The following P3H2 variants were observed in gnomAD, a reference collection of about 807,000 sequenced individuals.
P3H2 encodes leprecan-like 1.
P3H2 carries 80 observed loss-of-function variants against 87.0 expected under a neutral mutation model. That is an observed-to-expected ratio of 0.92 (90% CI 0.77 to 1.11). The LOEUF (loss-of-function observed/expected upper bound fraction) is 1.11, where lower values mean the gene tolerates loss of function less well. P3H2 is among the 50% of genes least tolerant of loss of function. P3H2 has a pLI of 0.00. For synonymous variants in P3H2, 367 were observed against 359.3 expected, an observed-to-expected ratio of 1.02 and a Z score of -0.24; for missense variants, 1,001 against 923.9, an observed-to-expected ratio of 1.08 and a Z score of -1.08.
At chr3:190,012,809 T>C (rs994667804) in intron 1 of P3H2, among the ~76,000 whole-genome samples, 1 of 152,134 alleles carries the variant, frequency 6.6e-6, no homozygotes, top group African/African-American at 2.4e-5. Context: ...GGGGGCAGAG[T>C]TCTGAAGACA....
At chr3:189,992,232 T>C (rs74504964) in intron 3 of P3H2, among the ~76,000 whole-genome samples, 36,635 of 151,880 alleles carry the variant, frequency 0.24, 4,578 homozygotes, top group Admixed American at 0.3. Flanking sequence ...GTAGCTGGGA[T>C]TACAGGCACC....
intron 1 of P3H2, among the ~76,000 whole-genome samples, chr3:190,007,965 C>CACACACACACACATATATATATATATAT: frequency 3.2e-5 from 3 of 94,342 alleles, no homozygotes; most frequent in South Asian, 4.1e-4. Context: ...TGTTGACACA[C>CACACACACACACATATATATATATATAT]ATATATATAT....
chr3:190,038,988 A>G (rs1666394), intron 1 of P3H2, among the ~76,000 whole-genome samples: 126,329 of 152,102 alleles, frequency 0.83, 52,759 homozygotes, highest in African/African-American at 0.92. Context: ...TCGCGAGTTC[A>G]AGACCAGCCT....
chr3:190,115,259 A>T (rs1245193731), intron 1 of P3H2, among the ~76,000 whole-genome samples: 2 of 152,202 alleles, frequency 1.3e-5, no homozygotes, highest in Non-Finnish European at 2.9e-5. Flanking sequence ...GTAATTGTGT[A>T]TTTATTTTTC....
intron 14 of P3H2, 116 bp from the exon 15 acceptor site, chr3:189,958,120 G>A (rs1577238114): frequency 1.3e-6 from 1 of 756,994 alleles, no homozygotes; most frequent in East Asian, 2.6e-5. Flanking sequence ...GCTATATCCA[G>A]TTAAGCATTG....
At chr3:190,069,961 T>TC (rs1726643147) in intron 1 of P3H2, among the ~76,000 whole-genome samples, 1 of 151,884 alleles carries the variant, frequency 6.6e-6, no homozygotes, top group South Asian at 2.1e-4. Flanking sequence ...TTTTTTTTTT[T>TC]TTTCTTCTTC....
intron 1 of P3H2, among the ~76,000 whole-genome samples, chr3:190,000,735 A>G (rs986015837): frequency 7.9e-5 from 12 of 152,260 alleles, no homozygotes; most frequent in Non-Finnish European, 1.6e-4. Flanking sequence ...TTTTCAAAGC[A>G]GAGCAGAGAT....
At chr3:190,066,011 T>G (rs1726486976) in intron 1 of P3H2, among the ~76,000 whole-genome samples, 1 of 152,112 alleles carries the variant, frequency 6.6e-6, no homozygotes, top group African/African-American at 2.4e-5. Context: ...ATTTGCATGG[T>G]TTTGAAGGTT....
intron 1 of P3H2, among the ~76,000 whole-genome samples, chr3:190,111,715 C>T (rs900839898): frequency 2.0e-5 from 3 of 152,196 alleles, no homozygotes; most frequent in Non-Finnish European, 2.9e-5. Flanking sequence ...CTATTCCCCA[C>T]TTGAATGTGA....
chr3:190,101,558 C>G (rs1424624212), intron 1 of P3H2, among the ~76,000 whole-genome samples: 3 of 151,908 alleles, frequency 2.0e-5, no homozygotes, highest in African/African-American at 7.3e-5. Flanking sequence ...GAGTCAAACT[C>G]TCCTCAATTC....
intron 1 of P3H2, among the ~76,000 whole-genome samples, chr3:190,045,820 T>G (rs994349453): frequency 6.6e-6 from 1 of 151,534 alleles, no homozygotes. Flanking sequence ...CCTCAGCTCA[T>G]GGTTAAGAGT....
At chr3:190,057,921 G>C (rs2108965017) in intron 1 of P3H2, among the ~76,000 whole-genome samples, 1 of 152,030 alleles carries the variant, frequency 6.6e-6, no homozygotes, top group East Asian at 1.9e-4. Context: ...CCAGAACTAA[G>C]GCATAGCTGA....
intron 1 of P3H2, among the ~76,000 whole-genome samples, chr3:190,049,786 T>C (rs1000741688): frequency 6.6e-6 from 1 of 152,162 alleles, no homozygotes; most frequent in African/African-American, 2.4e-5. Flanking sequence ...GGAATCAAAG[T>C]TATCTGGTTC....
intron 1 of P3H2, among the ~76,000 whole-genome samples, chr3:190,056,865 C>A (rs1560382110): frequency 6.6e-6 from 1 of 152,248 alleles, no homozygotes; most frequent in African/African-American, 2.4e-5. Flanking sequence ...CCACACTCTA[C>A]TCAGACACTG....
chr3:190,013,860 A>G (rs1724670241), intron 1 of P3H2, among the ~76,000 whole-genome samples: 1 of 152,228 alleles, frequency 6.6e-6, no homozygotes, highest in South Asian at 2.1e-4. Context: ...TCTGCATATG[A>G]AATATTACAC....
At chr3:189,959,987 G>A (rs1332378501) in intron 14 of P3H2, among the ~76,000 whole-genome samples, 2 of 151,676 alleles carry the variant, frequency 1.3e-5, no homozygotes, top group Non-Finnish European at 2.9e-5. Flanking sequence ...TGTGGAATCC[G>A]ACTCCTGCCG....
rs144941729 is a variant in P3H2 at position 190,024,239 on chromosome 3, A to G, written c.481-28797T>C. Among the ~76,000 whole-genome samples the G allele has an allele frequency of 1.5e-3, 235 of 152,294 alleles. 4 individuals carry two copies. Among genetic ancestry groups the G allele is most frequent in the East Asian group, 9.5e-3 (49 of 5,176 alleles). On this transcript the variant is annotated intron_variant, in intron 1 of 14. Transcript: ENST00000319332. ...AAAAATATAATATGTAAATCTTACT[A>G]TTTACGACAGATGGATTGGCCAGGT... is the stretch of plus-strand genomic sequence containing the variant.
chr3:190,051,355 T>A (rs1045683872), intron 1 of P3H2, among the ~76,000 whole-genome samples: 1 of 51,412 alleles, frequency 1.9e-5, no homozygotes, highest in African/African-American at 1.1e-4. Context: ...TAGAATTTTA[T>A]GGCATTAAGA....
intron 1 of P3H2, among the ~76,000 whole-genome samples, chr3:190,027,640 A>G (rs1402111424): frequency 7.8e-6 from 1 of 128,988 alleles, no homozygotes; most frequent in Non-Finnish European, 1.7e-5. Flanking sequence ...TTTTTTTTTT[A>G]AGCAATGGCA....
Sources: allele counts gnomAD v4.1 joint callset (sites outside exome capture counted in the v4.1 genomes callset), GRCh38; gene constraint gnomAD v4.1.1; transcripts MANE v1.5; gene names NCBI Gene and HGNC (gene_info 2026-07-23, HGNC 2026-07-21).